Variants in GLE1 observed in about 807,000 individuals in gnomAD.
The protein encoded by GLE1 is mRNA export factor GLE1.
A neutral mutation model predicts 97.3 loss-of-function variants in GLE1; 78 were observed. The observed-to-expected ratio is 0.80, with a 90% CI of 0.67 to 0.97. The LOEUF (loss-of-function observed/expected upper bound fraction) is 0.97, where lower values mean the gene tolerates loss of function less well. Ranked by LOEUF, GLE1 falls within the 50% of genes least tolerant of loss-of-function variation. The pLI is 0.00. For missense variants in GLE1, 753 were observed against 857.5 expected, an observed-to-expected ratio of 0.88 and a Z score of 1.52; for synonymous variants, 302 against 313.4, an observed-to-expected ratio of 0.96 and a Z score of 0.39.
intron 3 of GLE1, among the ~76,000 whole-genome samples, chr9:128,518,503 G>A (rs908934620): frequency 6.6e-6 from 1 of 152,106 alleles, no homozygotes; most frequent in Non-Finnish European, 1.5e-5. Flanking sequence ...GGAGGTTGCA[G>A]TGAGCCAAAA....
chr9:128,517,098 TG>T (rs1847011218), intron 3 of GLE1, among the ~76,000 whole-genome samples: 1 of 151,806 alleles, frequency 6.6e-6, no homozygotes, highest in Non-Finnish European at 1.5e-5. Context: ...CAGACTGGCC[TG>T]GCCAACATGG....
intron 7 of GLE1, among the ~76,000 whole-genome samples, chr9:128,526,758 C>T (rs1207964914): frequency 1.3e-5 from 2 of 152,134 alleles, no homozygotes; most frequent in Non-Finnish European, 2.9e-5. Flanking sequence ...TAGCCTCACC[C>T]TCCCAGGCTC....
chr9:128,540,314 C>T lies in GLE1; in HGVS notation c.2004C>T (p.Phe668=), dbSNP rs939408698. ...CAAGCTCAGGACAGATGGGCTCCTT[C>T]ATACGCCTCAAGCAGTTCTTGGAGG... ...AITSSGQMGS[F]IRLKQFLEKC... is the part of the protein sequence containing the mutation. Residue 668 remains phenylalanine (F), a synonymous_variant, in exon 15 of 16, where the codon TTC becomes TTT. Transcript: ENST00000309971. 6.2e-7 allele frequency: 1 copy of T among 1,610,104 alleles called. No homozygotes were observed. The highest frequency in any genetic ancestry group is 1.7e-5 in the Admixed American group (1 of 60,008).
chr9:128,508,952 A>C lies in GLE1; in HGVS notation c.176A>C (p.His59Pro). ...SGWVVEHVLP[H>P]MQENQPLSET... is the part of the protein sequence containing the mutation. ...TGGGTGGTAGAGCACGTCCTACCCCATATGCAGGAGAACCAACCTCTGTCT... is the reference window on the plus strand; with the variant it reads ...TGGGTGGTAGAGCACGTCCTACCCCCTATGCAGGAGAACCAACCTCTGTCT... The change falls in exon 2 of 16, where the codon CAT becomes CCT. Residue 59 changes from histidine (H) to proline (P), a missense_variant. Coordinates refer to ENST00000309971, the MANE Select transcript of GLE1 (RefSeq NM_001003722.2). The C allele has an allele frequency of 4.3e-6, 7 of 1,611,350 alleles. No homozygotes were observed. Among genetic ancestry groups the C allele is most frequent in the Non-Finnish European group, 5.9e-6 (7 of 1,177,490 alleles).
intron 1 of GLE1, among the ~76,000 whole-genome samples, chr9:128,508,386 CAG>C (rs1010580978): frequency 6.6e-6 from 1 of 152,078 alleles, no homozygotes; most frequent in Non-Finnish European, 1.5e-5. Context: ...GCCTGGGTAA[CAG>C]AGTGAGACCC....
At chr9:128,529,970 G>GTTTCAACGTGTTAGCCAGGA (rs1232558896) in intron 9 of GLE1, among the ~76,000 whole-genome samples, 3 of 151,996 alleles carry the variant, frequency 2.0e-5, no homozygotes, top group Non-Finnish European at 4.4e-5. Context: ...TAGAGACCAG[G>GTTTCAACGTGTTAGCCAGGA]TTTCAACGTG....
intron 4 of GLE1, 122 bp downstream of exon 4, chr9:128,522,938 G>T: frequency 8.6e-7 from 1 of 1,163,304 alleles, no homozygotes. Flanking sequence ...AGGTAAAATA[G>T]GCAGAGAATT....
chr9:128,539,899 ATTGCCC>A, intron 14 of GLE1: 1 of 1,456,590 alleles, frequency 6.9e-7, no homozygotes, highest in South Asian at 1.4e-5. Flanking sequence ...CTTAAATATC[ATTGCCC>A]AAACAAAAAC....
chr9:128,533,706 A>AT, intron 10 of GLE1, 51 bp downstream of exon 10: 1 of 1,613,114 alleles, frequency 6.2e-7, no homozygotes, highest in Non-Finnish European at 8.5e-7. Context: ...GGTGTACAAG[A>AT]TTTCAGCCTT....
At position 128,504,919 on chromosome 9, in the gene GLE1, C is replaced by G. The variant is rs751141702; in HGVS notation, c.99+15C>G. 21 of 1,566,374 alleles carry G rather than the reference C, an allele frequency of 1.3e-5. No individual in the cohort carries two copies. The highest frequency in any genetic ancestry group is 2.2e-5 in the East Asian group (1 of 44,698). On this transcript the variant is annotated intron_variant, in intron 1 of 15. Transcript: ENST00000309971. Reference sequence around the variant, plus strand: ...TGCGGCGCGAGGTGAGCGGTGGCCCCGGAGGACGTAGGCCTTTCCGGCCCC... The same window carrying G: ...TGCGGCGCGAGGTGAGCGGTGGCCCGGGAGGACGTAGGCCTTTCCGGCCCC...
chr9:128,508,514 C>T (rs192042427), intron 1 of GLE1, among the ~76,000 whole-genome samples: 5 of 152,264 alleles, frequency 3.3e-5, no homozygotes, highest in African/African-American at 1.2e-4. Context: ...TTTCTCAGAA[C>T]TTACCCCCAT....
intron 13 of GLE1, among the ~76,000 whole-genome samples, chr9:128,538,897 C>CA (rs1440556417): frequency 6.6e-6 from 1 of 152,168 alleles, no homozygotes; most frequent in Non-Finnish European, 1.5e-5. Context: ...CCTTGGGGTA[C>CA]ATGCCATAAC....
rs763455436 is a variant in GLE1 at position 128,527,495 on chromosome 9, A to G, written c.1282A>G (p.Ile428Val). 2.5e-6 allele frequency: 4 copies of G among 1,613,044 alleles called. No homozygotes were observed. The highest frequency in any genetic ancestry group is 2.7e-5 in the African/African-American group (2 of 75,008). Reference protein sequence around the residue: ...IKMDLQKAATIPVSQISTIAG... With the variant: ...IKMDLQKAATVPVSQISTIAG... ...GATGGACCTCCAGAAGGCTGCTACC[A>G]TCCCAGTGAGCCAAATCTCTACCAT... Residue 428 changes from isoleucine (I) to valine (V), a missense_variant, in exon 9 of 16, where the codon ATC becomes GTC. By Grantham distance (29) the Ile-to-Val change is conservative. Transcript: ENST00000309971.
rs182845622 is a variant in GLE1 at position 128,536,628 on chromosome 9, G to A, written c.1776+144G>A. On this transcript the variant is annotated intron_variant, in intron 12 of 15. Coordinates refer to ENST00000309971, the MANE Select transcript of GLE1 (RefSeq NM_001003722.2). ...ATGGCAGTTTCATGGGTATTATGTA[G>A]AGGACTGAATGTTGATTATTAGGGA... The A allele has an allele frequency of 3.7e-5, 27 of 738,550 alleles. No homozygotes were observed. In the East Asian group the frequency reaches 7.0e-4, roughly 19 times the overall value. The allele number at this position is 738,550 out of a possible 1,614,324, so 45.7% of individuals were successfully genotyped here. A position where few individuals can be genotyped will look rare whatever the true frequency, so the allele number is the denominator to read the frequency against.
chr9:128,541,229 A>G lies in GLE1; in HGVS notation c.*59A>G, dbSNP rs1847876403. 2.1e-6 allele frequency: 2 copies of G among 947,326 alleles called. No individual in the cohort carries two copies. The highest frequency in any genetic ancestry group is 3.5e-6 in the Non-Finnish European group (2 of 570,472). 58.7% of individuals were successfully genotyped at this position (947,326 alleles called of 1,614,324 possible). ...AAAGAGGCAATAATAAAGGAACTGA[A>G]GACAGCTGTATTTGGGAGAAGTCAT... On this transcript the variant is annotated 3_prime_UTR_variant, in exon 16 of 16. Coordinates refer to ENST00000309971, the MANE Select transcript of GLE1 (RefSeq NM_001003722.2).
chr9:128,516,291 A>G (rs1846984981), intron 3 of GLE1, among the ~76,000 whole-genome samples: 3 of 150,440 alleles, frequency 2.0e-5, no homozygotes, highest in African/African-American at 7.4e-5. Flanking sequence ...TAGCAGCACT[A>G]TTTTAATTAA....
intron 2 of GLE1, among the ~76,000 whole-genome samples, chr9:128,511,821 T>G (rs1846833688): frequency 6.6e-6 from 1 of 151,874 alleles, no homozygotes; most frequent in African/African-American, 2.4e-5. Context: ...ATTTCTTTAT[T>G]TATTTTTGAG....
chr9:128,509,163 C>A, intron 2 of GLE1, 66 bp downstream of exon 2: 2 of 935,228 alleles, frequency 2.1e-6, no homozygotes, highest in South Asian at 2.6e-5. Flanking sequence ...TTAATATTGT[C>A]ATATGACAGT....
intron 1 of GLE1, among the ~76,000 whole-genome samples, chr9:128,507,351 G>A (rs1281903141): frequency 1.3e-5 from 2 of 152,058 alleles, no homozygotes. Context: ...GTAAGTCAAG[G>A]TGGGCAGATC....
Sources: allele counts gnomAD v4.1 joint callset (sites outside exome capture counted in the v4.1 genomes callset), GRCh38; gene constraint gnomAD v4.1.1; transcripts MANE v1.5; gene names NCBI Gene and HGNC (gene_info 2026-07-23, HGNC 2026-07-21).